The following PDE4A variants were observed in gnomAD, a reference collection of about 807,000 sequenced individuals.
PDE4A encodes the protein phosphodiesterase 4A, also known as 3',5'-cyclic-AMP phosphodiesterase 4A.
A neutral mutation model predicts 73.9 loss-of-function variants in PDE4A; 21 were observed. The ratio of observed to expected loss-of-function variants is 0.28; its 90% CI spans 0.20 to 0.41. PDE4A has a LOEUF of 0.41. PDE4A is among the 10% of genes least tolerant of loss of function. PDE4A has a pLI of 1.00. For missense variants in PDE4A, 958 were observed against 1,211.4 expected, an observed-to-expected ratio of 0.79 and a Z score of 3.10; for synonymous variants, 463 against 505.4, an observed-to-expected ratio of 0.92 and a Z score of 1.13.
intron 2 of PDE4A, among the ~76,000 whole-genome samples, chr19:10,446,917 G>A (rs966531322): frequency 1.8e-4 from 21 of 114,422 alleles, no homozygotes; most frequent in Admixed American, 1.6e-3. Context: ...TTTTTGAGAC[G>A]GAGTGTCTCT....
Position 10,461,996 on chromosome 19 carries a change from C to G in PDE4A, c.1740C>G (p.Ile580Met), listed in dbSNP as rs2043280926. 5.0e-6 allele frequency: 8 copies of G among 1,612,156 alleles called. No homozygotes were observed. The African/African-American group carries it at 5.3e-5, about 11-fold the overall frequency. The stretch of plus-strand genomic sequence containing the variant: ...TGCTAGATAACTACTCCGACCGCAT[C>G]CAGGTGCCCCCACGCCCCATCATCT... ...VLLLDNYSDRIQVLRNMVHCA... is the reference protein window; with the variant it reads ...VLLLDNYSDRMQVLRNMVHCA... Residue 580 changes from isoleucine (I) to methionine (M), a missense_variant, in exon 13 of 15, where the codon ATC becomes ATG. Physicochemically the swap from Ile to Met is conservative, Grantham distance 10. Transcript: ENST00000380702.
intron 7 of PDE4A, among the ~76,000 whole-genome samples, chr19:10,455,963 C>T (rs947337632): frequency 2.4e-4 from 36 of 151,190 alleles, no homozygotes; most frequent in Middle Eastern, 3.4e-3. Context: ...ACAAAAGGCC[C>T]CCCAACTTTA....
At chr19:10,438,081 T>C (rs901569476) in intron 1 of PDE4A, among the ~76,000 whole-genome samples, 2 of 151,866 alleles carry the variant, frequency 1.3e-5, no homozygotes, top group African/African-American at 4.8e-5. Flanking sequence ...AGTGCTGGGA[T>C]TACAGATGTG....
At chr19:10,418,966 G>A, upstream of PDE4A, 1 of 984,900 alleles carries the variant, frequency 1.0e-6, no homozygotes, top group Non-Finnish European at 1.2e-6. Flanking sequence ...GGCTGCTGAT[G>A]GGGGGGCCGG....
upstream of PDE4A, among the ~76,000 whole-genome samples, chr19:10,419,813 C>T (rs1214716751): frequency 6.6e-6 from 1 of 152,198 alleles, no homozygotes; most frequent in African/African-American, 2.4e-5. Flanking sequence ...TTCACAGTCC[C>T]CAGGCCACCT....
intron 6 of PDE4A, chr19:10,452,792 A>G (rs1157272797): frequency 2.3e-5 from 4 of 174,612 alleles, no homozygotes; most frequent in African/African-American, 9.6e-5. Flanking sequence ...GTGTCCATGG[A>G]GGGGATGGGT....
intron 1 of PDE4A, among the ~76,000 whole-genome samples, chr19:10,437,627 A>G (rs1235733219): frequency 6.6e-6 from 1 of 152,090 alleles, no homozygotes; most frequent in Non-Finnish European, 1.5e-5. Context: ...TATGTTGCCC[A>G]GGCTGGTCTC....
chr19:10,452,953 G>C (rs2043114971), intron 6 of PDE4A: 5 of 1,150,892 alleles, frequency 4.3e-6, no homozygotes, highest in East Asian at 5.4e-5. Flanking sequence ...TGCACACACA[G>C]AGCTCCGCAG....
At position 10,446,322 on chromosome 19, in the gene PDE4A, G is replaced by A. The variant is rs372332466; in HGVS notation, c.425G>A (p.Arg142His). The A allele has an allele frequency of 2.9e-5, 46 of 1,613,652 alleles. No individual in the cohort carries two copies. Among genetic ancestry groups the A allele is most frequent in the Middle Eastern group, 1.6e-4 (1 of 6,062 alleles). ...VLHAGAATSQ[R>H]RESFLYRSDS... ...CACGCCGGGGCGGCCACCAGCCAGC[G>A]CCGGGAGTCCTTCCTGTACCGCTCA... The change falls in exon 2 of 15, where the codon CGC becomes CAC. Residue 142 changes from arginine to histidine, a missense_variant. Arg to His is a conservative substitution (Grantham distance 29). Transcript: ENST00000380702.
At chr19:10,435,045 T>C (rs1486857363) in intron 1 of PDE4A, among the ~76,000 whole-genome samples, 1 of 152,036 alleles carries the variant, frequency 6.6e-6, no homozygotes, top group Non-Finnish European at 1.5e-5. Context: ...CTTGTTATTA[T>C]AATCTTTACC....
chr19:10,416,960 T>C, upstream of PDE4A: 1 of 1,545,182 alleles, frequency 6.5e-7, no homozygotes, highest in East Asian at 2.4e-5. Flanking sequence ...GGAGTCGCAG[T>C]GCCCTGTCCG....
chr19:10,461,429 G>A, intron 11 of PDE4A, 97 bp from the exon 12 acceptor site: 3 of 1,550,760 alleles, frequency 1.9e-6, no homozygotes, highest in African/African-American at 1.4e-5. Flanking sequence ...AGGCTGGCCG[G>A]GCTGGGGAGG....
At chr19:10,418,902 G>C (rs2042612395), upstream of PDE4A, 10 of 984,776 alleles carry the variant, frequency 1.0e-5, no homozygotes, top group Non-Finnish European at 9.6e-6. Flanking sequence ...TGTAATGGGG[G>C]GGGTGTTCCT....
intron 1 of PDE4A, chr19:10,423,157 C>CCTT: frequency 1.3e-6 from 1 of 755,534 alleles, no homozygotes; most frequent in Non-Finnish European, 1.5e-6. Flanking sequence ...AACCCTTTCT[C>CCTT]TTTTTTTTTT....
At chr19:10,432,394 C>G (rs939841006) in intron 1 of PDE4A, 2 of 1,357,926 alleles carry the variant, frequency 1.5e-6, no homozygotes, top group Admixed American at 4.1e-5. Context: ...ACCGCCCTGC[C>G]GCCGTCCCCA....
chr19:10,423,432 A>G (rs2042676554), intron 1 of PDE4A, among the ~76,000 whole-genome samples: 1 of 152,068 alleles, frequency 6.6e-6, no homozygotes, highest in South Asian at 2.1e-4. Context: ...AAGTGCTGGG[A>G]TTACAGGCAT....
rs749414154 is a variant in PDE4A at position 10,439,653 on chromosome 19, A to G, written c.321-6565A>G. On this transcript the variant is annotated intron_variant, in intron 1 of 14. Coordinates refer to ENST00000380702, the MANE Select transcript of PDE4A (RefSeq NM_001111307.2). ...GGGATGCGAAGAGTCCAGGCCTTCA[A>G]TAAGGTCTGTCTCTGGAACTCAAAT... Among the ~76,000 whole-genome samples the G allele has an allele frequency of 1.5e-4, 23 of 152,152 alleles. 1 individual carries two copies. The highest frequency in any genetic ancestry group is 2.6e-4 in the Non-Finnish European group (18 of 68,044).
chr19:10,455,713 T>A (rs1421984522), intron 7 of PDE4A, among the ~76,000 whole-genome samples: 2 of 150,772 alleles, frequency 1.3e-5, no homozygotes, highest in Non-Finnish European at 3.0e-5. Flanking sequence ...TGAGCTGAGA[T>A]CACGCCACTG....
At chr19:10,422,897 A>G (rs1168324621) in intron 1 of PDE4A, among the ~76,000 whole-genome samples, 1 of 152,146 alleles carries the variant, frequency 6.6e-6, no homozygotes, top group Non-Finnish European at 1.5e-5. Flanking sequence ...GAAGTGAAGT[A>G]GGTTCCAGGC....
Sources: allele counts gnomAD v4.1 joint callset (sites outside exome capture counted in the v4.1 genomes callset), GRCh38; gene constraint gnomAD v4.1.1; transcripts MANE v1.5; gene names NCBI Gene and HGNC (gene_info 2026-07-23, HGNC 2026-07-21).